Variants in HERC2 observed in about 807,000 individuals in gnomAD.
The protein encoded by HERC2 is E3 ubiquitin-protein ligase HERC2.
In HERC2, 102 loss-of-function variants were observed where a neutral mutation model predicts 537.7. The observed-to-expected ratio is 0.19, with a 90% CI of 0.16 to 0.22. HERC2 has a LOEUF of 0.22. Ranked by LOEUF, HERC2 falls within the 10% of genes least tolerant of loss-of-function variation. HERC2 has a pLI of 1.00. For synonymous variants in HERC2, 2,224 were observed against 2,466.2 expected (o/e 0.90, Z 2.91); for missense variants, 4,236 against 6,198.2 (o/e 0.68, Z 10.63).
rs1267751380 is a variant in HERC2, at chr15:28,152,780, G to T, written c.10797C>A (p.Ala3599=). The T allele has an allele frequency of 6.4e-7, 1 of 1,555,100 alleles. No individual in the cohort carries two copies. The highest frequency in any genetic ancestry group is 8.7e-7 in the Non-Finnish European group (1 of 1,148,820). The part of the protein sequence containing the change: ...ELCVTELEDV[A]TDSQSGRLSS... Reference sequence around the variant, plus strand: ...AGAGGCGGCCGCTCTGCGAGTCTGTGGCCACATCCTCCAACTCGGTGACAC... The same window carrying T: ...AGAGGCGGCCGCTCTGCGAGTCTGTTGCCACATCCTCCAACTCGGTGACAC... The change falls in exon 70 of 93, where the codon GCC becomes GCA. Residue 3599 remains alanine (A), a synonymous_variant. Coordinates refer to ENST00000261609, the MANE Select transcript of HERC2 (RefSeq NM_004667.6).
At position 28,253,432 on chromosome 15, in the gene HERC2, T is replaced by C. The variant is rs142370918; in HGVS notation, c.3050+908A>G. The stretch of plus-strand genomic sequence containing the variant: ...TTTTCATTTGCATCCACCTGCTTAT[T>C]AGTAAGAATCTTTTTACATGTTTAC... On this transcript the variant is annotated intron_variant, in intron 20 of 92. Transcript: ENST00000261609. 8.3e-3 allele frequency among the ~76,000 whole-genome samples: 1,269 copies of C among 152,374 alleles called. 51 individuals are homozygous for C. Among genetic ancestry groups the C allele is most frequent in the Admixed American group, 0.069 (1,056 of 15,306 alleles).
At chr15:28,232,421 T>G (rs904953000) in intron 30 of HERC2, among the ~76,000 whole-genome samples, 1 of 151,992 alleles carries the variant, frequency 6.6e-6, no homozygotes, top group Admixed American at 6.6e-5. Context: ...GTGCCTGTAG[T>G]GCCTATAATC....
At chr15:28,173,902 T>G (rs35946704) in intron 65 of HERC2, among the ~76,000 whole-genome samples, 20,281 of 147,800 alleles carry the variant, frequency 0.14, 1,428 homozygotes, top group East Asian at 0.38. Flanking sequence ...AAGGAGGGAG[T>G]TAAAAGCAAA....
intron 78 of HERC2, among the ~76,000 whole-genome samples, chr15:28,136,957 G>A (rs1474492514): frequency 6.6e-6 from 1 of 151,946 alleles, no homozygotes; most frequent in Admixed American, 6.6e-5. Flanking sequence ...AACAAATGAT[G>A]GTAAGAAATG....
At chr15:28,166,477 A>G (rs529116129) in intron 68 of HERC2, among the ~76,000 whole-genome samples, 4 of 152,358 alleles carry the variant, frequency 2.6e-5, no homozygotes, top group African/African-American at 9.6e-5. Flanking sequence ...GGGCCTAACC[A>G]AAGACACTCA....
intron 69 of HERC2, among the ~76,000 whole-genome samples, chr15:28,162,053 G>C (rs2142431749): frequency 6.6e-6 from 1 of 152,338 alleles, no homozygotes; most frequent in East Asian, 1.9e-4. Flanking sequence ...AGAAGGCCGG[G>C]CATGGTGGCT....
intron 79 of HERC2, among the ~76,000 whole-genome samples, chr15:28,134,223 G>C (rs1890383683): frequency 1.3e-5 from 2 of 152,134 alleles, no homozygotes; most frequent in African/African-American, 2.4e-5. Flanking sequence ...TTTCAATTCT[G>C]GGAGAGGGTA....
At chr15:28,130,625 C>G (rs773153037) in intron 81 of HERC2, 31 bp from the exon 82 acceptor site, 1 of 1,471,862 alleles carries the variant, frequency 6.8e-7, no homozygotes, top group Admixed American at 1.7e-5. Context: ...ATTAGACAGA[C>G]AGCAACAAGG....
intron 2 of HERC2, chr15:28,320,488 T>C (rs1221305800): frequency 1.3e-5 from 2 of 151,924 alleles, no homozygotes; most frequent in Non-Finnish European, 2.9e-5. Flanking sequence ...AAAAAAAAAT[T>C]AGGAAGGGGC....
intron 89 of HERC2, 98 bp downstream of exon 89, chr15:28,115,331 G>T: frequency 1.5e-6 from 1 of 657,862 alleles, no homozygotes; most frequent in Non-Finnish European, 2.5e-6. Flanking sequence ...CCTGGGCACT[G>T]AGATTAGGCC....
chr15:28,131,277 G>A (rs1027410701), intron 81 of HERC2, among the ~76,000 whole-genome samples: 1 of 152,148 alleles, frequency 6.6e-6, no homozygotes, highest in African/African-American at 2.4e-5. Flanking sequence ...CCTTGGAAGT[G>A]CAAACCCCAG....
chr15:28,305,890 AAAG>A (rs1415150380), intron 2 of HERC2, among the ~76,000 whole-genome samples: 10 of 152,136 alleles, frequency 6.6e-5, no homozygotes, highest in Admixed American at 1.3e-4. Flanking sequence ...ACACTTCTCA[AAAG>A]AAGACATTTA....
intron 37 of HERC2, among the ~76,000 whole-genome samples, chr15:28,219,327 C>A (rs975512228): frequency 6.6e-6 from 1 of 152,246 alleles, no homozygotes; most frequent in Admixed American, 6.5e-5. Context: ...CGTGGGGCCA[C>A]CCCTGCCCAG....
chr15:28,210,319 G>A (rs1287955354), intron 44 of HERC2, among the ~76,000 whole-genome samples: 4 of 152,082 alleles, frequency 2.6e-5, no homozygotes, highest in African/African-American at 9.7e-5. Context: ...ATTTTTAGTA[G>A]AAATGGGGTT....
chr15:28,176,402 G>A lies in HERC2; in HGVS notation c.9686+26C>T. 2 of 1,612,168 alleles carry A rather than the reference G, an allele frequency of 1.2e-6. No individual in the cohort carries two copies. The highest frequency in any genetic ancestry group is 2.2e-5 in the East Asian group (1 of 44,846). On this transcript the variant is annotated intron_variant, in intron 63 of 92. Coordinates refer to ENST00000261609, the MANE Select transcript of HERC2 (RefSeq NM_004667.6). This position sits in a 1 kb window ranked among gnomAD's most constrained non-coding sequence, Gnocchi z 5.0. ...GCACACACCTGCACAAGCACACACA[G>A]TGTGACAGGGAGGACGTTTACGTAC...
Position 28,229,758 on chromosome 15 carries a change from A to G in HERC2, c.4899T>C (p.Ser1633=), listed in dbSNP as rs202102990. The change falls in exon 32 of 93, where the codon TCT becomes TCC. Residue 1633 remains serine (S), a synonymous_variant. Coordinates refer to ENST00000261609, the MANE Select transcript of HERC2 (RefSeq NM_004667.6). ...KQNVQGLYPQ[S]PLLSTIAEFA... is the part of the protein sequence containing the mutation. ...ATTCAGCAATTGTACTGAGGAGTGG[A>G]GACTGCGGATAAAGACCCTGCACAT... 5 of 1,541,154 alleles carry G rather than the reference A, an allele frequency of 3.2e-6. No individual in the cohort carries two copies. Among genetic ancestry groups the G allele is most frequent in the Non-Finnish European group, 4.5e-6 (5 of 1,115,318 alleles).
intron 52 of HERC2, among the ~76,000 whole-genome samples, chr15:28,195,235 A>ATTT (rs1897244336): frequency 6.6e-6 from 1 of 152,166 alleles, no homozygotes; most frequent in African/African-American, 2.4e-5. Context: ...CTAAAAATGT[A>ATTT]TATAACATAT....
chr15:28,258,313 T>C (rs1005169178), intron 16 of HERC2, among the ~76,000 whole-genome samples: 13 of 151,742 alleles, frequency 8.6e-5, no homozygotes, highest in Non-Finnish European at 1.6e-4. Flanking sequence ...CTACTGAAAA[T>C]ACAAAAAAAT....
chr15:28,257,139 C>T lies in HERC2; in HGVS notation c.2439G>A (p.Met813Ile), dbSNP rs1430769858. The T allele has an allele frequency of 2.5e-6, 4 of 1,613,732 alleles. No individual in the cohort carries two copies. The highest frequency in any genetic ancestry group is 2.5e-6 in the Non-Finnish European group (3 of 1,179,768). The change falls in exon 17 of 93, where the codon ATG becomes ATA. Residue 813 changes from methionine to isoleucine, a missense_variant. Physicochemically the swap from Met to Ile is conservative, Grantham distance 10 (BLOSUM62 1). This residue lies in a region of HERC2 where 754 missense variants were observed against 1,085.0 expected (regional missense o/e 0.69). Coordinates refer to ENST00000261609, the MANE Select transcript of HERC2 (RefSeq NM_004667.6). ...GCGGGGGCCAGTCCGCGGAACCATC[C>T]ATCCCCTCACTCACCTGCCGAAGCA... Reference protein sequence around the residue: ...DLLLRQVSEGMDGSADWPPPQ... With the variant: ...DLLLRQVSEGIDGSADWPPPQ...
Sources: gnomAD v4.1 joint callset for allele counts (sites outside exome capture counted in the v4.1 genomes callset) on GRCh38, gnomAD v4.1.1 for gene constraint, gnomAD v4.1.1 regional missense constraint, Gnocchi (gnomAD v3.1) non-coding constraint, MANE v1.5 for transcripts, NCBI Gene and HGNC (gene_info 2026-07-23, HGNC 2026-07-21) for gene names.